CRB1: variants seen among roughly 807,000 people sequenced by gnomAD.
The protein encoded by CRB1 is protein crumbs homolog 1.
A neutral mutation model predicts 120.0 loss-of-function variants in CRB1; 83 were observed. The observed-to-expected ratio is 0.69, with a 90% CI of 0.58 to 0.83. CRB1 has a LOEUF of 0.83. Ranked by LOEUF, CRB1 falls within the 40% of genes least tolerant of loss-of-function variation. CRB1 has a pLI of 0.00. For synonymous variants in CRB1, 625 were observed against 612.5 expected (o/e 1.02, Z -0.30); for missense variants, 1,699 against 1,687.6 (o/e 1.01, Z -0.12).
intron 10 of CRB1, chr1:197,441,529 T>C (rs1665431882): frequency 6.6e-6 from 1 of 152,184 alleles, no homozygotes; most frequent in Non-Finnish European, 1.5e-5. Flanking sequence ...GGAACACAGA[T>C]TTATTAGCAA....
intron 11 of CRB1, among the ~76,000 whole-genome samples, chr1:197,451,994 C>T (rs1416707327): frequency 1.3e-5 from 2 of 151,990 alleles, no homozygotes; most frequent in Non-Finnish European, 2.9e-5. Flanking sequence ...TAATAGATGC[C>T]TGATATTTGC....
chr1:197,399,367 T>C (rs947369596), intron 5 of CRB1, among the ~76,000 whole-genome samples: 5 of 152,142 alleles, frequency 3.3e-5, no homozygotes, highest in Admixed American at 1.3e-4. Flanking sequence ...GCCTGGCTTA[T>C]AGGAAATAGT....
chr1:197,425,881 G>A (rs988423754), intron 6 of CRB1, among the ~76,000 whole-genome samples: 5 of 151,878 alleles, frequency 3.3e-5, no homozygotes, highest in African/African-American at 9.7e-5. Context: ...TGGTTTGGAT[G>A]TATGCCCCCT....
At chr1:197,457,950 G>C (rs998252921) in intron 11 of CRB1, among the ~76,000 whole-genome samples, 1 of 152,102 alleles carries the variant, frequency 6.6e-6, no homozygotes, top group Non-Finnish European at 1.5e-5. Context: ...GTGCCACACT[G>C]TGTTTATAAT....
At chr1:197,402,642 C>A (rs772649391) in intron 5 of CRB1, among the ~76,000 whole-genome samples, 23 of 152,116 alleles carry the variant, frequency 1.5e-4, no homozygotes, top group Admixed American at 4.6e-4. Context: ...ATTTTAAGGT[C>A]TAATTTCTGT....
chr1:197,398,251 C>T (rs1234329340), intron 5 of CRB1, among the ~76,000 whole-genome samples: 1 of 152,156 alleles, frequency 6.6e-6, no homozygotes, highest in Non-Finnish European at 1.5e-5. Flanking sequence ...ATGAAAAGTT[C>T]CTCAACCCCC....
intron 3 of CRB1, 54 bp from the exon 4 acceptor site, chr1:197,347,286 T>G: frequency 6.7e-7 from 1 of 1,495,896 alleles, no homozygotes; most frequent in Non-Finnish European, 9.3e-7. Flanking sequence ...AGTATAAAGA[T>G]ATCTGATCTC....
chr1:197,419,757 G>A (rs1179934353), intron 5 of CRB1, among the ~76,000 whole-genome samples: 4 of 149,338 alleles, frequency 2.7e-5, no homozygotes, highest in East Asian at 2.0e-4. Flanking sequence ...GGTGGATCAC[G>A]AGGTCAGGAG....
intron 2 of CRB1, among the ~76,000 whole-genome samples, chr1:197,329,429 C>G (rs545950170): frequency 5.4e-4 from 82 of 152,272 alleles, no homozygotes; most frequent in South Asian, 1.2e-3. Flanking sequence ...GTATTATCAA[C>G]AGATCAGTGG....
At chr1:197,361,322 TA>T (rs1395415398) in intron 5 of CRB1, among the ~76,000 whole-genome samples, 5 of 152,136 alleles carry the variant, frequency 3.3e-5, no homozygotes, top group Non-Finnish European at 5.9e-5. Flanking sequence ...AAATTGATGT[TA>T]ATTATTCTTT....
At chr1:197,399,520 A>T (rs1662953453) in intron 5 of CRB1, among the ~76,000 whole-genome samples, 1 of 152,178 alleles carries the variant, frequency 6.6e-6, no homozygotes, top group African/African-American at 2.4e-5. Context: ...GTTTCTATAA[A>T]ATAGAGATTA....
At position 197,421,571 on chromosome 1, in the gene CRB1, C is replaced by A; in HGVS notation, c.1743C>A (p.Thr581=). Residue 581 remains threonine, a synonymous_variant, in exon 6 of 12, where the codon ACC becomes ACA. Transcript: ENST00000367400. The stretch of plus-strand genomic sequence containing the variant: ...TATTTGCAGAGGCTGTGACCCTTAC[C>A]TTAATCGACGACTCCTGTAAGGAGA... ...EVIFAEAVTL[T]LIDDSCKEKC... The A allele has an allele frequency of 6.8e-6, 11 of 1,614,200 alleles. No homozygotes were observed. Among genetic ancestry groups the A allele is most frequent in the Non-Finnish European group, 9.3e-6 (11 of 1,180,044 alleles).
At chr1:197,231,737 A>G in the CRB1 span, among the ~76,000 whole-genome samples, 2 of 152,180 alleles carry the variant, frequency 1.3e-5, no homozygotes, top group African/African-American at 4.8e-5. Context: ...TTTCCATGGA[A>G]GGCCTAGAAC....
At chr1:197,406,573 A>T (rs1038759138) in intron 5 of CRB1, among the ~76,000 whole-genome samples, 24 of 151,604 alleles carry the variant, frequency 1.6e-4, no homozygotes, top group African/African-American at 5.6e-4. Context: ...AATGATCAAT[A>T]AAAAAATAAA....
intron 1 of CRB1, among the ~76,000 whole-genome samples, chr1:197,325,721 A>AG (rs1232118124): frequency 2.6e-5 from 4 of 152,166 alleles, no homozygotes; most frequent in Non-Finnish European, 5.9e-5. Flanking sequence ...AGGAAAAAAA[A>AG]CACCAGAAAT....
chr1:197,410,561 C>T (rs532020777), intron 5 of CRB1, among the ~76,000 whole-genome samples: 7 of 152,322 alleles, frequency 4.6e-5, no homozygotes, highest in African/African-American at 1.7e-4. Flanking sequence ...ACAATTGCCT[C>T]ATTTAATCCT....
chr1:197,353,242 G>C (rs2359152), intron 4 of CRB1, among the ~76,000 whole-genome samples: 3 of 151,562 alleles, frequency 2.0e-5, no homozygotes. Context: ...GTAAGAGTTA[G>C]CCAAGAAAAC....
At chr1:197,227,048 G>GA in the CRB1 span, among the ~76,000 whole-genome samples, 1 of 152,104 alleles carries the variant, frequency 6.6e-6, no homozygotes, top group Non-Finnish European at 1.5e-5. Flanking sequence ...TTTGGGTGGG[G>GA]ACACAGAGCC....
the CRB1 span, among the ~76,000 whole-genome samples, chr1:197,253,412 C>T: frequency 1.3e-5 from 2 of 152,070 alleles, no homozygotes; most frequent in African/African-American, 4.8e-5. Context: ...GCACTTTGAA[C>T]ATTTTTTAAC....
Sources: gnomAD v4.1 joint callset for allele counts (sites outside exome capture counted in the v4.1 genomes callset) on GRCh38, gnomAD v4.1.1 for gene constraint, MANE v1.5 for transcripts, NCBI Gene and HGNC (gene_info 2026-07-23, HGNC 2026-07-21) for gene names.